Variants in ANKRD9 observed in about 807,000 individuals in gnomAD.
The protein encoded by ANKRD9 is ankyrin repeat domain 9, also known as ankyrin repeat domain-containing protein 9.
A neutral mutation model predicts 19.2 loss-of-function variants in ANKRD9; 13 were observed. The observed-to-expected ratio is 0.68, with a 90% CI of 0.44 to 1.08. ANKRD9 has a LOEUF of 1.08. Ranked by LOEUF, ANKRD9 falls within the 50% of genes least tolerant of loss-of-function variation. ANKRD9 has a pLI of 0.00. For missense variants in ANKRD9, 518 were observed against 499.9 expected (o/e 1.04, Z -0.34); for synonymous variants, 278 against 256.8 (o/e 1.08, Z -0.79).
At chr14:102,509,050 G>A (rs1011032379) in intron 1 of ANKRD9, 1 of 152,324 alleles carries the variant, frequency 6.6e-6, no homozygotes, top group Non-Finnish European at 1.5e-5. Flanking sequence ...CAAGGGGCCT[G>A]GGACAGAAGG....
rs1891696361 is a variant in ANKRD9 at position 102,508,892 on chromosome 14, T to C, written c.-334-46A>G. 6.6e-6 allele frequency: 1 copy of C among 152,204 alleles called. No homozygotes were observed. The highest frequency in any genetic ancestry group is 6.5e-5 in the Admixed American group (1 of 15,278). 9.4% of individuals were successfully genotyped at this position (152,204 alleles called of 1,614,324 possible). A position where few individuals can be genotyped will look rare whatever the true frequency, so the allele number is the denominator to read the frequency against. ...GTCTCAGTTTGGGCTCATTCCAGAA[T>C]TGGTGGGGACCCCCAACCCACAGGC... On this transcript the variant is annotated intron_variant, in intron 1 of 3. Coordinates refer to ENST00000286918, the MANE Select transcript of ANKRD9 (RefSeq NM_152326.4). This position sits in a 1 kb window ranked among gnomAD's most constrained non-coding sequence, Gnocchi z 6.2.
chr14:102,507,875 C>T lies in ANKRD9; in HGVS notation c.15G>A (p.Ala5=). 2 of 1,138,868 alleles carry T rather than the reference C, an allele frequency of 1.8e-6. No homozygotes were observed. Among genetic ancestry groups the T allele is most frequent in the Non-Finnish European group, 2.2e-6 (2 of 920,108 alleles). 70.5% of individuals were successfully genotyped at this position (1,138,868 alleles called of 1,614,324 possible). A position where few individuals can be genotyped will look rare whatever the true frequency, so the allele number is the denominator to read the frequency against. Residue 5 remains alanine (A), a synonymous_variant, in exon 4 of 4, where the codon GCG becomes GCA. Transcript: ENST00000286918. The surrounding 1 kb of genome is among the most constrained non-coding windows in gnomAD (Gnocchi z 9.2). ...CGTCCGCGCCACCCCCAGGCCGCCG[C>T]GCGTCCCACGGCATGCTGGCGGCGG... MPWD[A]RRPGGGADGG... is the part of the protein sequence containing the mutation.
chr14:102,507,539 C>A lies in ANKRD9; in HGVS notation c.351G>T (p.Val117=), dbSNP rs950786126. 13 of 1,338,576 alleles carry A rather than the reference C, an allele frequency of 9.7e-6. No homozygotes were observed. Among genetic ancestry groups the A allele is most frequent in the Non-Finnish European group, 1.2e-5 (13 of 1,045,102 alleles). 82.9% of individuals were successfully genotyped at this position (1,338,576 alleles called of 1,614,324 possible). ...CGCGGTTGTAGCGCACTGCCAGCGCCACGTGCGGCCCGGGAGCCGCGCAGC... is the reference window on the plus strand; with the variant it reads ...CGCGGTTGTAGCGCACTGCCAGCGCAACGTGCGGCCCGGGAGCCGCGCAGC... ...FRCCAAPGPH[V]ALAVRYNRVG... Residue 117 remains valine (V), a synonymous_variant, in exon 4 of 4, where the codon GTG becomes GTT. Transcript: ENST00000286918. This position sits in a 1 kb window ranked among gnomAD's most constrained non-coding sequence, Gnocchi z 9.2.
Position 102,507,269 on chromosome 14 carries a change from G to A in ANKRD9, c.621C>T (p.Ala207=). The A allele has an allele frequency of 1.7e-6, 2 of 1,211,288 alleles. No homozygotes were observed. The highest frequency in any genetic ancestry group is 2.1e-6 in the Non-Finnish European group (2 of 972,788). 75.0% of individuals were successfully genotyped at this position (1,211,288 alleles called of 1,614,324 possible). A position where few individuals can be genotyped will look rare whatever the true frequency, so the allele number is the denominator to read the frequency against. ...CTCCGGCGGCGGAGGGAGTGGCCCC[G>A]GCGTCGCGGCCCAGCTGGCGCAGCA... ...ELLLRQLGRD[A]GATPSAAGAP... The change falls in exon 4 of 4, where the codon GCC becomes GCT. Residue 207 remains alanine (A), a synonymous_variant. Coordinates refer to ENST00000286918, the MANE Select transcript of ANKRD9 (RefSeq NM_152326.4). The surrounding 1 kb of genome is among the most constrained non-coding windows in gnomAD (Gnocchi z 9.2).
Position 102,508,078 on chromosome 14 carries a change from T to TC in ANKRD9, c.-53-137dup, listed in dbSNP as rs1240877847. 5 of 447,796 alleles carry TC rather than the reference T, an allele frequency of 1.1e-5. No homozygotes were observed. Among genetic ancestry groups the TC allele is most frequent in the African/African-American group, 1.1e-4 (5 of 46,622 alleles). The allele number at this position is 447,796 out of a possible 1,614,324, so 27.7% of individuals were successfully genotyped here. ...CTACCTCCAGCCTCGGCCAGGCCCT[T>TC]CCAGTCACCCTACAGCTCCATCTCT... On this transcript the variant is annotated intron_variant, in intron 3 of 3. Coordinates refer to ENST00000286918, the MANE Select transcript of ANKRD9 (RefSeq NM_152326.4). The surrounding 1 kb of genome is among the most constrained non-coding windows in gnomAD (Gnocchi z 6.2).
rs1187162075 is a variant in ANKRD9 at position 102,506,619 on chromosome 14, AC to A, written c.*316del. ...CTGCTGCTTGGACATGCCAGTCCCC[AC>A]CCCTGCACCTACCGAGCTCCTGCGG... On this transcript the variant is annotated 3_prime_UTR_variant, in exon 4 of 4. Transcript: ENST00000286918. The A allele has an allele frequency of 1.7e-5, 5 of 295,132 alleles. No homozygotes were observed. Among genetic ancestry groups the A allele is most frequent in the Admixed American group, 5.2e-5 (1 of 19,326 alleles). The allele number at this position is 295,132 out of a possible 1,614,324, so 18.3% of individuals were successfully genotyped here.
rs747588042 is a variant in ANKRD9 at position 102,507,042 on chromosome 14, A to G, written c.848T>C (p.Met283Thr). Residue 283 changes from methionine (M) to threonine (T), a missense_variant, in exon 4 of 4, where the codon ATG becomes ACG. Physicochemically the swap from Met to Thr is moderately conservative, Grantham distance 81. Coordinates refer to ENST00000286918, the MANE Select transcript of ANKRD9 (RefSeq NM_152326.4). The surrounding 1 kb of genome is among the most constrained non-coding windows in gnomAD (Gnocchi z 9.2). ...AGAGATGGCGGTGACCAGCACCTGC[A>G]TGGCGCGCGCGAAGAGCGAGGGCGG... is the stretch of plus-strand genomic sequence containing the variant. Reference protein sequence around the residue: ...LAPPSLFARAMQVLVTAISPG... With the variant: ...LAPPSLFARATQVLVTAISPG... 2.5e-6 allele frequency: 4 copies of G among 1,579,990 alleles called. No homozygotes were observed. Among genetic ancestry groups the G allele is most frequent in the Non-Finnish European group, 3.4e-6 (4 of 1,171,092 alleles).
rs1891601451 is a variant in ANKRD9, at chr14:102,506,856, G to C, written c.*80C>G. On this transcript the variant is annotated 3_prime_UTR_variant, in exon 4 of 4. Transcript: ENST00000286918. The stretch of plus-strand genomic sequence containing the variant: ...TGAGGCAGAGATTGTGCCGTACAGA[G>C]ATCAATATATATAAAGTGCCGGTAC... The C allele has an allele frequency of 3.7e-6, 5 of 1,359,772 alleles. No homozygotes were observed. The highest frequency in any genetic ancestry group is 4.7e-6 in the Non-Finnish European group (5 of 1,056,766). 84.2% of individuals were successfully genotyped at this position (1,359,772 alleles called of 1,614,324 possible).
In ANKRD9 at chr14:102,503,397, C is replaced by G. The variant is rs1204566085; in HGVS notation, c.*3539G>C. On this transcript the variant is annotated 3_prime_UTR_variant, in exon 4 of 4. Coordinates refer to ENST00000286918, the MANE Select transcript of ANKRD9 (RefSeq NM_152326.4). Reference sequence around the variant, plus strand: ...CTCCTGGGTTCAAGCAATTCTCCTGCCTCAGCCTCCTGAGTAGCTGGGAGT... The same window carrying G: ...CTCCTGGGTTCAAGCAATTCTCCTGGCTCAGCCTCCTGAGTAGCTGGGAGT... 6.7e-6 allele frequency: 1 copy of G among 149,618 alleles called. No homozygotes were observed. The highest frequency in any genetic ancestry group is 1.5e-5 in the Non-Finnish European group (1 of 67,618). The allele number at this position is 149,618 out of a possible 1,614,324, so 9.3% of individuals were successfully genotyped here. A position where few individuals can be genotyped will look rare whatever the true frequency, so the allele number is the denominator to read the frequency against.
chr14:102,502,329 GA>G lies in ANKRD9; in HGVS notation c.*4606del, dbSNP rs1319511665. 6.6e-6 allele frequency: 1 copy of G among 152,670 alleles called. No individual in the cohort carries two copies. The highest frequency in any genetic ancestry group is 1.9e-4 in the East Asian group (1 of 5,204). 9.5% of individuals were successfully genotyped at this position (152,670 alleles called of 1,614,324 possible). ...TTTTCATAACTCCGGGGAGGAGCAA[GA>G]GGGGTGAAAAGAAACAAGTTCTCTA... On this transcript the variant is annotated 3_prime_UTR_variant, in exon 4 of 4. Transcript: ENST00000286918.
Position 102,507,644 on chromosome 14 carries a change from G to C in ANKRD9, c.246C>G (p.His82Gln), listed in dbSNP as rs1891655340. The C allele has an allele frequency of 6.5e-7, 1 of 1,541,310 alleles. No individual in the cohort carries two copies. The highest frequency in any genetic ancestry group is 8.7e-7 in the Non-Finnish European group (1 of 1,148,724). The part of the protein sequence containing the change: ...PSEALLYALV[H>Q]DHQAYAHYLL... Reference sequence around the variant, plus strand: ...GGTAATGCGCGTACGCTTGGTGGTCGTGCACGAGCGCGTAGAGCAGCGCCT... The same window carrying C: ...GGTAATGCGCGTACGCTTGGTGGTCCTGCACGAGCGCGTAGAGCAGCGCCT... The change falls in exon 4 of 4, where the codon CAC becomes CAG. Residue 82 changes from histidine to glutamine, a missense_variant. Transcript: ENST00000286918. This position sits in a 1 kb window ranked among gnomAD's most constrained non-coding sequence, Gnocchi z 9.2.
chr14:102,507,268 C>A lies in ANKRD9; in HGVS notation c.622G>T (p.Gly208Trp), dbSNP rs1362930286. 4.1e-6 allele frequency: 5 copies of A among 1,210,194 alleles called. No homozygotes were observed. Among genetic ancestry groups the A allele is most frequent in the African/African-American group, 1.6e-5 (1 of 61,212 alleles). The allele number at this position is 1,210,194 out of a possible 1,614,324, so 75.0% of individuals were successfully genotyped here. Residue 208 changes from glycine (G) to tryptophan (W), a missense_variant, in exon 4 of 4, where the codon GGG (glycine) becomes TGG (tryptophan). Physicochemically the swap from Gly to Trp is radical, Grantham distance 184. Coordinates refer to ENST00000286918, the MANE Select transcript of ANKRD9 (RefSeq NM_152326.4). The surrounding 1 kb of genome is among the most constrained non-coding windows in gnomAD (Gnocchi z 9.2). ...GCTCCGGCGGCGGAGGGAGTGGCCC[C>A]GGCGTCGCGGCCCAGCTGGCGCAGC... Reference protein sequence around the residue: ...LLLRQLGRDAGATPSAAGAPA... With the variant: ...LLLRQLGRDAWATPSAAGAPA...
Position 102,507,207 on chromosome 14 carries a change from C to A in ANKRD9, c.683G>T (p.Arg228Leu). Residue 228 changes from arginine (R) to leucine (L), a missense_variant, in exon 4 of 4, where the codon CGC becomes CTC. Arg to Leu is a moderately radical substitution (Grantham distance 102). Transcript: ENST00000286918. This position sits in a 1 kb window ranked among gnomAD's most constrained non-coding sequence, Gnocchi z 9.2. ...CGCCAGGAGGTCCAGCAGCAGCAGG[C>A]GGCGCTGGCGCGGCTCCCCGGGAGC... is the stretch of plus-strand genomic sequence containing the variant. ...ASAPGEPRQR[R>L]LLLLDLLALY... 1.2e-5 allele frequency: 15 copies of A among 1,293,296 alleles called. No individual in the cohort carries two copies. The highest frequency in any genetic ancestry group is 1.5e-5 in the Non-Finnish European group (15 of 1,022,898). 80.1% of individuals were successfully genotyped at this position (1,293,296 alleles called of 1,614,324 possible).
In ANKRD9 at chr14:102,503,172, C is replaced by T. The variant is rs951501982; in HGVS notation, c.*3764G>A. The T allele has an allele frequency of 2.0e-5, 3 of 151,556 alleles. No homozygotes were observed. The highest frequency in any genetic ancestry group is 4.4e-5 in the Non-Finnish European group (3 of 67,932). 9.4% of individuals were successfully genotyped at this position (151,556 alleles called of 1,614,324 possible). On this transcript the variant is annotated 3_prime_UTR_variant, in exon 4 of 4. Coordinates refer to ENST00000286918, the MANE Select transcript of ANKRD9 (RefSeq NM_152326.4). ...AAGTTACAGTGAGCTGAGACCACAC[C>T]ATTGCACTCCAGTCTGGATGACAGA... is the stretch of plus-strand genomic sequence containing the variant.
chr14:102,507,603 G>A lies in ANKRD9; in HGVS notation c.287C>T (p.Pro96Leu), dbSNP rs756890877. Residue 96 changes from proline (P) to leucine (L), a missense_variant, in exon 4 of 4, where the codon CCG (proline) becomes CTG (leucine). Physicochemically the swap from Pro to Leu is moderately conservative, Grantham distance 98. Transcript: ENST00000286918. This position sits in a 1 kb window ranked among gnomAD's most constrained non-coding sequence, Gnocchi z 9.2. ...AYAHYLLATFPRRALAPPSAG... is the reference protein window; with the variant it reads ...AYAHYLLATFLRRALAPPSAG... ...ACTGGGCGGTGCGAGCGCGCGCCGC[G>A]GGAACGTGGCCAGCAGGTAATGCGC... is the stretch of plus-strand genomic sequence containing the variant. 1 of 1,474,230 alleles carries A rather than the reference G, an allele frequency of 6.8e-7. No homozygotes were observed. Among genetic ancestry groups the A allele is most frequent in the African/African-American group, 1.5e-5 (1 of 68,668 alleles). The allele number at this position is 1,474,230 out of a possible 1,614,324, so 91.3% of individuals were successfully genotyped here.
At position 102,509,770 on chromosome 14, in the gene ANKRD9, C is replaced by G. The variant is rs1307832432; in HGVS notation, c.-576G>C. 1.4e-5 allele frequency: 2 copies of G among 147,354 alleles called. No individual in the cohort carries two copies. Among genetic ancestry groups the G allele is most frequent in the Non-Finnish European group, 3.0e-5 (2 of 66,230 alleles). 9.1% of individuals were successfully genotyped at this position (147,354 alleles called of 1,614,324 possible). A position where few individuals can be genotyped will look rare whatever the true frequency, so the allele number is the denominator to read the frequency against. ...GCGGGCGGCGCAGTGCGGCCCCGGC[C>G]AGGCAGGACAGCGGGACCGTCCGCC... On this transcript the variant is annotated 5_prime_UTR_variant, in exon 1 of 4. Coordinates refer to ENST00000286918, the MANE Select transcript of ANKRD9 (RefSeq NM_152326.4).
rs1567372357 is a variant in ANKRD9, at chr14:102,507,115, GCCAGCGCGGCCGGTCGCCCAGCAGCT to G, written c.749_774del (p.Glu250AlafsTer6). On this transcript the variant is annotated frameshift_variant, in exon 4 of 4. Transcript: ENST00000286918. LOFTEE classifies it high-confidence loss of function. The surrounding 1 kb of genome is among the most constrained non-coding windows in gnomAD (Gnocchi z 9.2). ...AACTTGTCCTCACCCAGCAGCCGCTGCCAGCGCGGCCGGTCGCCCAGCAGCTCCTGGCGGGCCGAGCCGGCGGCACC... is the reference window on the plus strand; with the variant it reads ...AACTTGTCCTCACCCAGCAGCCGCTGCCTGGCGGGCCGAGCCGGCGGCACC... 6.7e-7 allele frequency: 1 copy of G among 1,503,104 alleles called. No homozygotes were observed. The highest frequency in any genetic ancestry group is 8.8e-7 in the Non-Finnish European group (1 of 1,133,518). The allele number at this position is 1,503,104 out of a possible 1,614,324, so 93.1% of individuals were successfully genotyped here.
chr14:102,507,251 G>A lies in ANKRD9; in HGVS notation c.639C>T (p.Ala213=). ...CGGGAGCTGAGGCGGGGGCTCCGGC[G>A]GCGGAGGGAGTGGCCCCGGCGTCGC... ...LGRDAGATPS[A]AGAPASAPGE... is the part of the protein sequence containing the mutation. The change falls in exon 4 of 4, where the codon GCC becomes GCT. Residue 213 remains alanine (A), a synonymous_variant. Coordinates refer to ENST00000286918, the MANE Select transcript of ANKRD9 (RefSeq NM_152326.4). This position sits in a 1 kb window ranked among gnomAD's most constrained non-coding sequence, Gnocchi z 9.2. The A allele has an allele frequency of 8.1e-7, 1 of 1,230,326 alleles. No homozygotes were observed. Among genetic ancestry groups the A allele is most frequent in the Non-Finnish European group, 1.0e-6 (1 of 985,318 alleles). The allele number at this position is 1,230,326 out of a possible 1,614,324, so 76.2% of individuals were successfully genotyped here. A position where few individuals can be genotyped will look rare whatever the true frequency, so the allele number is the denominator to read the frequency against.
At position 102,504,948 on chromosome 14, in the gene ANKRD9, A is replaced by G. The variant is rs1014827787; in HGVS notation, c.*1988T>C. ...CTGTGTCCTGCCTGGCCAGGCAATG[A>G]GTACCGGCGGCAGGCAGCTGCCTCA... On this transcript the variant is annotated 3_prime_UTR_variant, in exon 4 of 4. Transcript: ENST00000286918. 3.3e-5 allele frequency: 5 copies of G among 152,320 alleles called. No individual in the cohort carries two copies. The highest frequency in any genetic ancestry group is 9.7e-5 in the African/African-American group (4 of 41,442). The allele number at this position is 152,320 out of a possible 1,614,324, so 9.4% of individuals were successfully genotyped here.
Sources: gnomAD v4.1 joint callset for allele counts on GRCh38, gnomAD v4.1.1 for gene constraint, Gnocchi (gnomAD v3.1) non-coding constraint, MANE v1.5 for transcripts, NCBI Gene and HGNC (gene_info 2026-07-23, HGNC 2026-07-21) for gene names.